Variants in DDX60L observed in about 807,000 individuals in gnomAD.
The protein encoded by DDX60L is probable ATP-dependent RNA helicase DDX60-like.
DDX60L carries 191 observed loss-of-function variants against 211.6 expected under a neutral mutation model. The observed-to-expected ratio is 0.90, with a 90% CI of 0.80 to 1.02. The LOEUF is 1.02. DDX60L is among the 50% of genes least tolerant of loss of function. The pLI is 0.00. For missense variants in DDX60L, 2,007 were observed against 1,984.1 expected, an observed-to-expected ratio of 1.01 and a Z score of -0.22; for synonymous variants, 706 against 694.1, an observed-to-expected ratio of 1.02 and a Z score of -0.27.
intron 22 of DDX60L, among the ~76,000 whole-genome samples, chr4:168,407,534 A>T (rs1747962057): frequency 6.6e-6 from 1 of 152,182 alleles, no homozygotes; most frequent in African/African-American, 2.4e-5. Flanking sequence ...AACTATGGGA[A>T]AGGCCCTATT....
chr4:168,377,311 TAAATAAATAAATAA>T (rs541168256), intron 33 of DDX60L, among the ~76,000 whole-genome samples: 53,179 of 150,646 alleles, frequency 0.35, 9,864 homozygotes, highest in African/African-American at 0.45. Flanking sequence ...AATAAATAAA[TAAATAAATAAATAA>T]ATAAATAAAT....
At chr4:168,449,653 A>AAAAAAAAAAAAAAAAAAAAAAAAAT (rs1448068520) in intron 8 of DDX60L, among the ~76,000 whole-genome samples, 3 of 20,182 alleles carry the variant, frequency 1.5e-4, no homozygotes, top group African/African-American at 2.7e-4. Context: ...AAAAAAATGC[A>AAAAAAAAAAAAAAAAAAAAAAAAAT]AAAAAAAAAA....
chr4:168,359,180 G>T (rs1490765248), intron 37 of DDX60L, among the ~76,000 whole-genome samples: 1 of 152,146 alleles, frequency 6.6e-6, no homozygotes, highest in Admixed American at 6.5e-5. Context: ...TCACTCTAGA[G>T]CAGAGTTTCA....
intron 5 of DDX60L, among the ~76,000 whole-genome samples, chr4:168,459,018 A>G (rs1228211788): frequency 6.6e-6 from 1 of 152,128 alleles, no homozygotes; most frequent in Non-Finnish European, 1.5e-5. Context: ...AAACTTAGAG[A>G]AGGTAGTATG....
At chr4:168,404,423 G>T (rs1016341003) in intron 24 of DDX60L, among the ~76,000 whole-genome samples, 1 of 151,836 alleles carries the variant, frequency 6.6e-6, no homozygotes, top group African/African-American at 2.4e-5. Context: ...AGTGACAAAG[G>T]GTTTCTCCAG....
chr4:168,405,860 G>T, intron 24 of DDX60L, 90 bp downstream of exon 24: 1 of 1,360,814 alleles, frequency 7.3e-7, no homozygotes, highest in Non-Finnish European at 9.7e-7. Context: ...GGAATAAAAA[G>T]ATTACAAAAC....
At chr4:168,433,898 T>C (rs535852251) in intron 10 of DDX60L, among the ~76,000 whole-genome samples, 1 of 152,298 alleles carries the variant, frequency 6.6e-6, no homozygotes, top group African/African-American at 2.4e-5. Flanking sequence ...CATTCATAAG[T>C]TGTACTTATA....
At chr4:168,367,293 G>A (rs775256296) in intron 36 of DDX60L, among the ~76,000 whole-genome samples, 6 of 152,132 alleles carry the variant, frequency 3.9e-5, no homozygotes, top group East Asian at 3.9e-4. Flanking sequence ...TTATGAGGGC[G>A]GGTCTTTTCT....
intron 22 of DDX60L, among the ~76,000 whole-genome samples, chr4:168,411,112 A>G (rs991632579): frequency 2.6e-5 from 4 of 152,214 alleles, no homozygotes; most frequent in African/African-American, 9.6e-5. Context: ...TCACTTTTCT[A>G]TGAAGTCCAT....
chr4:168,421,257 A>G (rs1414437796), intron 17 of DDX60L, among the ~76,000 whole-genome samples: 1 of 152,238 alleles, frequency 6.6e-6, no homozygotes, highest in Non-Finnish European at 1.5e-5. Context: ...TAAAAATACT[A>G]TAGTCATCAT....
chr4:168,388,321 A>G (rs1744237102), intron 29 of DDX60L, among the ~76,000 whole-genome samples: 2 of 152,204 alleles, frequency 1.3e-5, no homozygotes, highest in Non-Finnish European at 2.9e-5. Context: ...AAGGAGAGCA[A>G]ATGTCCTGAT....
chr4:168,443,913 C>G (rs1344886372), intron 9 of DDX60L, among the ~76,000 whole-genome samples: 13 of 141,520 alleles, frequency 9.2e-5, no homozygotes, highest in African/African-American at 2.4e-4. Flanking sequence ...GTACCAGCCG[C>G]TGCAAAATCA....
At chr4:168,370,574 A>G (rs966108471) in intron 36 of DDX60L, among the ~76,000 whole-genome samples, 1 of 152,160 alleles carries the variant, frequency 6.6e-6, no homozygotes, top group African/African-American at 2.4e-5. Context: ...AGTAGCCAGA[A>G]GAGAGGTTTT....
intron 1 of DDX60L, among the ~76,000 whole-genome samples, chr4:168,475,715 T>C (rs1436228583): frequency 6.6e-6 from 1 of 151,866 alleles, no homozygotes; most frequent in Non-Finnish European, 1.5e-5. Context: ...AATGTTTATG[T>C]CCCCCCAAAA....
chr4:168,365,438 G>A (rs1041131472), intron 36 of DDX60L, among the ~76,000 whole-genome samples: 1 of 151,570 alleles, frequency 6.6e-6, no homozygotes, highest in African/African-American at 2.4e-5. Flanking sequence ...CTAAGTTCCT[G>A]GACATATACA....
At chr4:168,415,300 G>A in intron 22 of DDX60L, 108 bp downstream of exon 22, 1 of 481,638 alleles carries the variant, frequency 2.1e-6, no homozygotes, top group Non-Finnish European at 3.6e-6. Flanking sequence ...AGTAAAGAAA[G>A]AAAAAGATTA....
chr4:168,408,762 G>A (rs1748184724), intron 22 of DDX60L, among the ~76,000 whole-genome samples: 1 of 152,132 alleles, frequency 6.6e-6, no homozygotes, highest in African/African-American at 2.4e-5. Flanking sequence ...GTTCTTTTAC[G>A]GCAGCATAAT....
intron 36 of DDX60L, chr4:168,361,505 T>C (rs2684349): frequency 0.73 from 155,220 of 211,804 alleles, 58,041 homozygotes; most frequent in East Asian, 0.85. Context: ...AACAAGTTGA[T>C]AGACTAATAT....
Position 168,457,958 on chromosome 4 carries a change from T to C in DDX60L, c.657A>G (p.Glu219=). Residue 219 remains glutamate, a synonymous_variant, in exon 6 of 38, where the codon GAA becomes GAG. Coordinates refer to ENST00000682922, the MANE Select transcript of DDX60L (RefSeq NM_001012967.3). Reference sequence around the variant, plus strand: ...TTGCTAATACTAAAACCCTTATTTCTTCCAAGTGTTGTATGAGGCTTTTAT... The same window carrying C: ...TTGCTAATACTAAAACCCTTATTTCCTCCAAGTGTTGTATGAGGCTTTTAT... ...SAYKSLIQHL[E]EIRVLVLATH... is the part of the protein sequence containing the mutation. 1 of 1,571,948 alleles carries C rather than the reference T, an allele frequency of 6.4e-7. No homozygotes were observed. Among genetic ancestry groups the C allele is most frequent in the Non-Finnish European group, 8.6e-7 (1 of 1,156,314 alleles).
Sources: allele counts gnomAD v4.1 joint callset (sites outside exome capture counted in the v4.1 genomes callset), GRCh38; gene constraint gnomAD v4.1.1; transcripts MANE v1.5; gene names NCBI Gene and HGNC (gene_info 2026-07-23, HGNC 2026-07-21).